SBNO2: variants seen among roughly 807,000 people sequenced by gnomAD.
The protein encoded by SBNO2 is protein strawberry notch homolog 2.
Under a neutral mutation model 146.3 loss-of-function variants are expected in SBNO2, and 89 were observed. The observed-to-expected ratio is 0.61, with a 90% CI of 0.51 to 0.73. The LOEUF is 0.73. Among genes scored for constraint, SBNO2 ranks in the 30% least tolerant of loss-of-function variants. The pLI is 0.00. For synonymous variants in SBNO2, 1,147 were observed against 892.6 expected, an observed-to-expected ratio of 1.29 and a Z score of -5.08; for missense variants, 2,092 against 2,003.7, an observed-to-expected ratio of 1.04 and a Z score of -0.84.
Position 1,144,413 on chromosome 19 carries a change from C to T in SBNO2, c.279+2896G>A, listed in dbSNP as rs1038467729. ...GCTGTAGGCAGGGTGGGCAGGGAGC[C>T]GGGCGGGCGGTGCTCACAGAACCAG... On this transcript the variant is annotated intron_variant, in intron 4 of 31. Transcript: ENST00000361757. The surrounding 1 kb of genome is among the most constrained non-coding windows in gnomAD (Gnocchi z 4.1). 6.6e-6 allele frequency among the ~76,000 whole-genome samples: 1 copy of T among 152,128 alleles called. No homozygotes were observed. The highest frequency in any genetic ancestry group is 2.4e-5 in the African/African-American group (1 of 41,418).
intron 5 of SBNO2, among the ~76,000 whole-genome samples, chr19:1,124,595 C>T (rs971528124): frequency 1.3e-5 from 2 of 152,324 alleles, no homozygotes; most frequent in African/African-American, 2.4e-5. Context: ...CAAGAACCCC[C>T]GTGGGTGCAG....
Position 1,157,800 on chromosome 19 carries a change from C to T in SBNO2, c.-126-3398G>A, listed in dbSNP as rs990989887. On this transcript the variant is annotated intron_variant, in intron 1 of 31. Transcript: ENST00000361757. The surrounding 1 kb of genome is among the most constrained non-coding windows in gnomAD (Gnocchi z 6.8). ...ATCCGAGGAACCGGGTAACTGTGTC[C>T]GCCTCCCAGCTCTCTCCTGAGTCCG... Among the ~76,000 whole-genome samples, 6 of 150,856 alleles carry T rather than the reference C, an allele frequency of 4.0e-5. No homozygotes were observed. The highest frequency in any genetic ancestry group is 7.4e-5 in the African/African-American group (3 of 40,362).
At position 1,119,640 on chromosome 19, in the gene SBNO2, G is replaced by A. The variant is rs202131814; in HGVS notation, c.1268-19C>T. The A allele has an allele frequency of 3.1e-3, 4,888 of 1,587,208 alleles. 14 individuals carry two copies. Among genetic ancestry groups the A allele is most frequent in the East Asian group, 4.2e-3 (184 of 43,852 alleles). On this transcript the variant is annotated intron_variant, in intron 12 of 31. Transcript: ENST00000361757. ...GAGGCACCTGTGGGGGGAAGCTGCC[G>A]TCAGCTCCCCAACCCGGGAGGGCCC...
chr19:1,117,280 C>A (rs1368989627), intron 15 of SBNO2, 43 bp downstream of exon 15: 41 of 1,523,272 alleles, frequency 2.7e-5, no homozygotes, highest in Non-Finnish European at 3.6e-5. Flanking sequence ...TCCGCCCCTG[C>A]AGGCCCGGCC....
chr19:1,132,165 C>G (rs767260482), intron 4 of SBNO2: 39 of 1,449,356 alleles, frequency 2.7e-5, no homozygotes, highest in Middle Eastern at 1.8e-4. Flanking sequence ...CAGGGGTCCC[C>G]CAGGAAGCGC....
At chr19:1,114,205 G>C in intron 18 of SBNO2, 26 bp downstream of exon 18, 1 of 1,422,606 alleles carries the variant, frequency 7.0e-7, no homozygotes, top group South Asian at 1.5e-5. Flanking sequence ...CCCACAGGTG[G>C]CTGGCCAGCC....
Position 1,122,947 on chromosome 19 carries a change from C to G in SBNO2, c.727G>C (p.Asp243His), listed in dbSNP as rs758842079. ...DITYTLALPS[D>H]SGALSALQLE... Reference sequence around the variant, plus strand: ...TGCAGGGCAGACAGGGCCCCGCTGTCCGAGGGCAGGGCCAGGGTGTAGGTG... The same window carrying G: ...TGCAGGGCAGACAGGGCCCCGCTGTGCGAGGGCAGGGCCAGGGTGTAGGTG... Residue 243 changes from aspartate to histidine, a missense_variant, in exon 8 of 32, where the codon GAC (aspartate) becomes CAC (histidine). Transcript: ENST00000361757. 1.9e-6 allele frequency: 3 copies of G among 1,562,834 alleles called. No individual in the cohort carries two copies. In the Admixed American group the frequency reaches 5.8e-5, roughly 30 times the overall value.
At position 1,150,087 on chromosome 19, in the gene SBNO2, C is replaced by T. The variant is rs111984437; in HGVS notation, c.94-645G>A. On this transcript the variant is annotated intron_variant, in intron 2 of 31. Transcript: ENST00000361757. The surrounding 1 kb of genome is among the most constrained non-coding windows in gnomAD (Gnocchi z 6.2). Reference sequence around the variant, plus strand: ...AGGCTCAGCCCGAGGTCAGTGGAGGCGTGAGTGGCTCCAGGTTGGCCGAAT... The same window carrying T: ...AGGCTCAGCCCGAGGTCAGTGGAGGTGTGAGTGGCTCCAGGTTGGCCGAAT... Among the ~76,000 whole-genome samples, 2,654 of 152,246 alleles carry T rather than the reference C, an allele frequency of 0.017. 42 individuals carry two copies. Among genetic ancestry groups the T allele is most frequent in the Non-Finnish European group, 0.029 (1,954 of 68,000 alleles).
chr19:1,149,306 TTGTAAC>T, intron 3 of SBNO2, 57 bp downstream of exon 3: 3 of 1,457,976 alleles, frequency 2.1e-6, no homozygotes, highest in Non-Finnish European at 2.8e-6. Flanking sequence ...AGAACTCCGT[TTGTAAC>T]TGTGACTTCA....
chr19:1,141,201 T>G (rs938222762), intron 4 of SBNO2, among the ~76,000 whole-genome samples: 4 of 151,826 alleles, frequency 2.6e-5, no homozygotes, highest in African/African-American at 9.7e-5. Flanking sequence ...AAGCTCTTAG[T>G]TTTTGCAATT....
chr19:1,124,583 T>TC (rs1437325140), intron 5 of SBNO2, among the ~76,000 whole-genome samples: 1 of 152,158 alleles, frequency 6.6e-6, no homozygotes, highest in Non-Finnish European at 1.5e-5. Context: ...CCCTGCACTC[T>TC]CCAAGAACCC....
Position 1,108,380 on chromosome 19 carries a change from T to A in SBNO2, c.3941A>T (p.Glu1314Val), listed in dbSNP as rs1229183062. 6 of 1,287,260 alleles carry A rather than the reference T, an allele frequency of 4.7e-6. No homozygotes were observed. The highest frequency in any genetic ancestry group is 4.0e-6 in the Non-Finnish European group (4 of 1,011,152). The allele number at this position is 1,287,260 out of a possible 1,614,324, so 79.7% of individuals were successfully genotyped here. Residue 1314 changes from glutamate (E) to valine (V), a missense_variant, in exon 32 of 32, where the codon GAG becomes GTG. Coordinates refer to ENST00000361757, the MANE Select transcript of SBNO2 (RefSeq NM_014963.3). ...CGAGCGCAGCATGTCCTCCAGCACC[T>A]CCTTGAAGTTGATGTCGCAGCCCTG... ...AHQGCDINFK[E>V]VLEDMLRSLH... is the part of the protein sequence containing the mutation.
At chr19:1,116,000 G>T in intron 17 of SBNO2, 21 bp downstream of exon 17, 1 of 1,424,858 alleles carries the variant, frequency 7.0e-7, no homozygotes. Context: ...GGTGGGTGGG[G>T]CCATGGGGGG....
intron 2 of SBNO2, among the ~76,000 whole-genome samples, chr19:1,152,648 C>T (rs2080253499): frequency 6.6e-6 from 1 of 152,124 alleles, no homozygotes; most frequent in Non-Finnish European, 1.5e-5. Flanking sequence ...AGAGGGGTAC[C>T]CTGGCCCCAG....
intron 1 of SBNO2, among the ~76,000 whole-genome samples, chr19:1,164,560 C>T (rs1173409423): frequency 1.9e-5 from 1 of 53,794 alleles, no homozygotes; most frequent in African/African-American, 7.0e-5. Context: ...GGAACAGGTG[C>T]TAGGACACTG....
chr19:1,116,125 T>C (rs1178943755), intron 16 of SBNO2, 22 bp from the exon 17 acceptor site: 3 of 1,594,976 alleles, frequency 1.9e-6, no homozygotes, highest in Non-Finnish European at 2.6e-6. Flanking sequence ...ACGCGGAGTT[T>C]ATTCTCACAC....
intron 4 of SBNO2, among the ~76,000 whole-genome samples, chr19:1,145,711 C>T (rs972649533): frequency 6.6e-6 from 1 of 152,134 alleles, no homozygotes; most frequent in African/African-American, 2.4e-5. Context: ...AGGCGCCTCC[C>T]CTGCCTCAGT....
At chr19:1,151,807 C>T (rs931639846) in intron 2 of SBNO2, among the ~76,000 whole-genome samples, 5 of 152,202 alleles carry the variant, frequency 3.3e-5, no homozygotes, top group African/African-American at 9.6e-5. Flanking sequence ...GGATTACAGG[C>T]GCCCGCCACC....
At position 1,119,093 on chromosome 19, in the gene SBNO2, C is replaced by A; in HGVS notation, c.1445G>T (p.Ser482Ile). 6.2e-7 allele frequency: 1 copy of A among 1,605,808 alleles called. No homozygotes were observed. The highest frequency in any genetic ancestry group is 8.5e-7 in the Non-Finnish European group (1 of 1,177,172). ...GATGCGGAAGGTGACGCCGGAGAAG[C>A]TGAGCTGGCGTGCGATGTACATGCC... ...VSGMYIARQL[S>I]FSGVTFRIEE... is the part of the protein sequence containing the mutation. The change falls in exon 14 of 32, where the codon AGC (serine) becomes ATC (isoleucine). Residue 482 changes from serine (S) to isoleucine (I), a missense_variant. Transcript: ENST00000361757.
Sources: gnomAD v4.1 joint callset for allele counts (sites outside exome capture counted in the v4.1 genomes callset) on GRCh38, gnomAD v4.1.1 for gene constraint, Gnocchi (gnomAD v3.1) non-coding constraint, MANE v1.5 for transcripts, NCBI Gene and HGNC (gene_info 2026-07-23, HGNC 2026-07-21) for gene names.